Variants in DENND1A observed in about 807,000 individuals in gnomAD.
The protein encoded by DENND1A is DENN domain-containing protein 1A.
DENND1A carries 51 observed loss-of-function variants against 113.7 expected under a neutral mutation model. That is an observed-to-expected ratio of 0.45 (90% CI 0.36 to 0.57). DENND1A has a LOEUF of 0.57. Among genes scored for constraint, DENND1A ranks in the 20% least tolerant of loss-of-function variants. DENND1A has a pLI of 0.00. For synonymous variants in DENND1A, 565 were observed against 570.8 expected (o/e 0.99, Z 0.14); for missense variants, 1,258 against 1,395.9 (o/e 0.90, Z 1.57).
At chr9:123,617,789 C>T (rs2060732477) in intron 10 of DENND1A, among the ~76,000 whole-genome samples, 1 of 151,990 alleles carries the variant, frequency 6.6e-6, no homozygotes, top group Non-Finnish European at 1.5e-5. Context: ...TAAAGCCAGA[C>T]ACGGAAAGGA....
rs573753394 is a variant in DENND1A at position 123,856,847 on chromosome 9, G to A, written c.88+22104C>T. Among the ~76,000 whole-genome samples the A allele has an allele frequency of 9.9e-5, 15 of 152,220 alleles. No homozygotes were observed. In the East Asian group the frequency reaches 2.9e-3, roughly 29 times the overall value. ...GCAGCCATGATGACAGAGTAGTCAT[G>A]TACAAGGGATTAATAAGTAAATATA... On this transcript the variant is annotated intron_variant, in intron 2 of 23. Transcript: ENST00000394215.
intron 5 of DENND1A, among the ~76,000 whole-genome samples, chr9:123,745,669 C>T (rs147320199): frequency 1.3e-5 from 2 of 152,314 alleles, no homozygotes; most frequent in Non-Finnish European, 2.9e-5. Flanking sequence ...TCTATGTGCA[C>T]CAGTATAGCT....
At chr9:123,607,537 A>AGTGTGT in intron 11 of DENND1A, among the ~76,000 whole-genome samples, 1 of 127,206 alleles carries the variant, frequency 7.9e-6, no homozygotes, top group African/African-American at 2.9e-5. Flanking sequence ...AGAGAGAGAG[A>AGTGTGT]GAGAGAGAGA....
intron 1 of DENND1A, among the ~76,000 whole-genome samples, chr9:123,886,275 T>G (rs1026458869): frequency 6.6e-6 from 1 of 152,152 alleles, no homozygotes; most frequent in Non-Finnish European, 1.5e-5. Flanking sequence ...TTAGAATATA[T>G]GAGATTAGGA....
chr9:123,854,106 G>A (rs1843785169), intron 2 of DENND1A, among the ~76,000 whole-genome samples: 1 of 152,222 alleles, frequency 6.6e-6, no homozygotes, highest in African/African-American at 2.4e-5. Context: ...AACTGAGGCA[G>A]ATGAAAGTAT....
At chr9:123,663,837 G>C (rs571646105) in intron 8 of DENND1A, among the ~76,000 whole-genome samples, 1 of 150,160 alleles carries the variant, frequency 6.7e-6, no homozygotes, top group African/African-American at 2.5e-5. Flanking sequence ...TGTAAGTTTT[G>C]AAACTTAACA....
chr9:123,730,311 G>C (rs532313421), intron 5 of DENND1A, among the ~76,000 whole-genome samples: 272 of 152,240 alleles, frequency 1.8e-3, no homozygotes, highest in African/African-American at 6.2e-3. Flanking sequence ...TATCATCAGA[G>C]TGAACAGGCA....
chr9:123,420,849 G>A (rs1020404302), intron 19 of DENND1A, among the ~76,000 whole-genome samples: 3 of 137,852 alleles, frequency 2.2e-5, no homozygotes, highest in Non-Finnish European at 4.7e-5. Flanking sequence ...CCGCTTGGGG[G>A]ACAGAGGCGG....
At chr9:123,621,047 C>G (rs2060934991) in intron 10 of DENND1A, among the ~76,000 whole-genome samples, 2 of 152,086 alleles carry the variant, frequency 1.3e-5, no homozygotes, top group Non-Finnish European at 2.9e-5. Flanking sequence ...GGAACCCAAT[C>G]TTTAACAAAA....
chr9:123,465,425 A>C (rs1263627734), intron 13 of DENND1A, among the ~76,000 whole-genome samples: 1 of 151,264 alleles, frequency 6.6e-6, no homozygotes, highest in African/African-American at 2.4e-5. Context: ...GCTTGGGTGG[A>C]AAGACCTGCA....
intron 13 of DENND1A, among the ~76,000 whole-genome samples, chr9:123,496,343 C>A (rs981207965): frequency 6.6e-6 from 1 of 152,156 alleles, no homozygotes; most frequent in Non-Finnish European, 1.5e-5. Context: ...GTGCTTTTAA[C>A]AAAAAAGTAG....
At chr9:123,681,044 G>A (rs2064416407) in intron 5 of DENND1A, among the ~76,000 whole-genome samples, 1 of 152,138 alleles carries the variant, frequency 6.6e-6, no homozygotes, top group Non-Finnish European at 1.5e-5. Context: ...ATTGGGCATA[G>A]TGTGCTGGGG....
chr9:123,414,570 T>C, intron 19 of DENND1A: 1 of 1,550,526 alleles, frequency 6.4e-7, no homozygotes, highest in Non-Finnish European at 8.7e-7. Flanking sequence ...GTCTTGCTCC[T>C]TTTGGGGATT....
intron 5 of DENND1A, among the ~76,000 whole-genome samples, chr9:123,705,527 G>A (rs1456576105): frequency 2.0e-5 from 3 of 152,060 alleles, no homozygotes; most frequent in East Asian, 1.9e-4. Flanking sequence ...TAAACAACAC[G>A]AGAACAGAAA....
rs1331291277 is a variant in DENND1A at position 123,380,469 on chromosome 9, CAG to C, written c.*961_*962del. ...TCTACCTGGCCCTGGAGAAGGGGCT[CAG>C]GGCCACTGCCTCGTTCCAACCCAGG... is the stretch of plus-strand genomic sequence containing the variant. On this transcript the variant is annotated 3_prime_UTR_variant, in exon 24 of 24. Transcript: ENST00000394215. 1 of 152,454 alleles carries C rather than the reference CAG, an allele frequency of 6.6e-6. No individual in the cohort carries two copies. The highest frequency in any genetic ancestry group is 2.4e-5 in the African/African-American group (1 of 41,434). 9.4% of individuals were successfully genotyped at this position (152,454 alleles called of 1,614,324 possible). A position where few individuals can be genotyped will look rare whatever the true frequency, so the allele number is the denominator to read the frequency against.
intron 13 of DENND1A, among the ~76,000 whole-genome samples, chr9:123,513,603 T>C (rs1229990705): frequency 6.6e-6 from 1 of 152,364 alleles, no homozygotes; most frequent in Middle Eastern, 3.4e-3. Flanking sequence ...TTCCTTTCAC[T>C]GCTGGAAGCA....
At chr9:123,595,672 CTCTAGCACCAGT>C (rs1483092887) in intron 11 of DENND1A, among the ~76,000 whole-genome samples, 1 of 152,174 alleles carries the variant, frequency 6.6e-6, no homozygotes, top group East Asian at 1.9e-4. Context: ...ACTCAGCCTT[CTCTAGCACCAGT>C]TTCCCTTGCT....
intron 7 of DENND1A, 119 bp downstream of exon 7, chr9:123,671,172 T>G: frequency 2.6e-6 from 3 of 1,136,290 alleles, no homozygotes; most frequent in Non-Finnish European, 4.0e-6. Context: ...TCTCAGAGTA[T>G]TTGGGGGTAG....
chr9:123,546,981 C>G (rs78189434), intron 13 of DENND1A, among the ~76,000 whole-genome samples: 11,645 of 152,320 alleles, frequency 0.076, 529 homozygotes, highest in Non-Finnish European at 0.1. Flanking sequence ...TAGTTCCCAT[C>G]TTCTCTCACT....
Sources: gnomAD v4.1 joint callset for allele counts (sites outside exome capture counted in the v4.1 genomes callset) on GRCh38, gnomAD v4.1.1 for gene constraint, MANE v1.5 for transcripts, NCBI Gene and HGNC (gene_info 2026-07-23, HGNC 2026-07-21) for gene names.